PARD3: variants seen among roughly 807,000 people sequenced by gnomAD.
PARD3 encodes the protein partitioning defective 3 homolog.
A neutral mutation model predicts 155.4 loss-of-function variants in PARD3; 75 were observed. The ratio of observed to expected loss-of-function variants is 0.48; its 90% CI spans 0.40 to 0.58. The LOEUF (loss-of-function observed/expected upper bound fraction) is 0.58, where lower values mean the gene tolerates loss of function less well. Among genes scored for constraint, PARD3 ranks in the 20% least tolerant of loss-of-function variants. The pLI is 0.00. For missense variants in PARD3, 1,642 were observed against 1,721.7 expected (o/e 0.95, Z 0.82); for synonymous variants, 576 against 610.5 (o/e 0.94, Z 0.83).
chr10:34,759,951 G>C (rs1422800962), intron 1 of PARD3, among the ~76,000 whole-genome samples: 1 of 152,156 alleles, frequency 6.6e-6, no homozygotes, highest in Admixed American at 6.5e-5. Flanking sequence ...CTTCGTTTTG[G>C]GGAGTGGAAT....
Position 34,440,515 on chromosome 10 carries a change from C to T in PARD3, c.714+9802G>A, listed in dbSNP as rs182937270. Among the ~76,000 whole-genome samples the T allele has an allele frequency of 7.2e-4, 110 of 152,234 alleles. 1 individual carries two copies. Among genetic ancestry groups the T allele is most frequent in the South Asian group, 6.6e-3 (32 of 4,826 alleles). Reference sequence around the variant, plus strand: ...TTAAAAATGAAAATGTATCTTTCTCCGTAGTGCAAGCTCTAAATGTCTAGT... The same window carrying T: ...TTAAAAATGAAAATGTATCTTTCTCTGTAGTGCAAGCTCTAAATGTCTAGT... On this transcript the variant is annotated intron_variant, in intron 5 of 24. Transcript: ENST00000374788.
intron 22 of PARD3, among the ~76,000 whole-genome samples, chr10:34,209,486 A>G (rs1951637869): frequency 1.3e-5 from 2 of 152,198 alleles, no homozygotes; most frequent in African/African-American, 4.8e-5. Flanking sequence ...GATAAATGAT[A>G]TTAAAATTAA....
chr10:34,149,638 C>T (rs34452022), intron 22 of PARD3, among the ~76,000 whole-genome samples: 20 of 152,162 alleles, frequency 1.3e-4, no homozygotes, highest in Admixed American at 9.8e-4. Context: ...GATGATCTCA[C>T]GTTTATCAAA....
At chr10:34,622,726 A>G (rs1365856117) in intron 2 of PARD3, among the ~76,000 whole-genome samples, 1 of 152,086 alleles carries the variant, frequency 6.6e-6, no homozygotes. Context: ...AAAACAAGAT[A>G]ATTTTGTTAG....
At chr10:34,487,192 C>CTCACTCTCTT (rs1240132988) in intron 3 of PARD3, among the ~76,000 whole-genome samples, 9 of 152,030 alleles carry the variant, frequency 5.9e-5, no homozygotes, top group East Asian at 5.8e-4. Flanking sequence ...CCTCTTCTCA[C>CTCACTCTCTT]TCACTCTCTT....
chr10:34,586,908 C>T (rs890327727), intron 2 of PARD3, among the ~76,000 whole-genome samples: 1 of 151,918 alleles, frequency 6.6e-6, no homozygotes, highest in Admixed American at 6.6e-5. Flanking sequence ...GAGATGGTGC[C>T]ATTGCACTCC....
chr10:34,641,112 G>GT (rs1226668488), intron 2 of PARD3, among the ~76,000 whole-genome samples: 4 of 152,158 alleles, frequency 2.6e-5, no homozygotes, highest in Non-Finnish European at 5.9e-5. Context: ...GGGGAGTTAG[G>GT]TGGGGGAGGA....
At chr10:34,514,829 T>A (rs2081611173) in intron 3 of PARD3, among the ~76,000 whole-genome samples, 2 of 152,332 alleles carry the variant, frequency 1.3e-5, no homozygotes, top group Middle Eastern at 6.8e-3. Context: ...TGACGGAAAG[T>A]ATGTTAATCA....
Position 34,119,645 on chromosome 10 carries a change from C to T in PARD3, c.3636G>A (p.Gln1212=). Residue 1212 remains glutamine, a synonymous_variant, in exon 24 of 25, where the codon CAG becomes CAA. Transcript: ENST00000374788. ...RQRQEERESS[Q]QAQRQYSSLP... is the part of the protein sequence containing the mutation. ...GAGAGCTGTACTGGCGCTGGGCCTG[C>T]TGGGAGCTCTCGCGCTCCTCCTGCC... The T allele has an allele frequency of 6.2e-7, 1 of 1,611,038 alleles. No homozygotes were observed.
At chr10:34,482,032 CTTTTTTTT>C (rs58877037) in intron 3 of PARD3, among the ~76,000 whole-genome samples, 6 of 101,598 alleles carry the variant, frequency 5.9e-5, no homozygotes, top group South Asian at 6.5e-4. Context: ...TAATTTTTAT[CTTTTTTTT>C]TTTTTTTTTT....
At chr10:34,234,876 T>C (rs1483013356) in intron 22 of PARD3, among the ~76,000 whole-genome samples, 1 of 152,184 alleles carries the variant, frequency 6.6e-6, no homozygotes, top group East Asian at 1.9e-4. Context: ...AAAACAGAAA[T>C]AGCTCTCTTT....
At chr10:34,185,346 C>T (rs187727877) in intron 22 of PARD3, among the ~76,000 whole-genome samples, 1 of 152,282 alleles carries the variant, frequency 6.6e-6, no homozygotes, top group East Asian at 1.9e-4. Flanking sequence ...CTAAAGAATG[C>T]TGTCTTTCAT....
intron 22 of PARD3, among the ~76,000 whole-genome samples, chr10:34,199,871 G>C (rs1421618880): frequency 6.6e-6 from 1 of 151,984 alleles, no homozygotes; most frequent in South Asian, 2.1e-4. Flanking sequence ...AAGACTATTC[G>C]AATGTGTTAC....
intron 22 of PARD3, among the ~76,000 whole-genome samples, chr10:34,171,346 C>G (rs1326234115): frequency 6.6e-6 from 1 of 152,144 alleles, no homozygotes; most frequent in Non-Finnish European, 1.5e-5. Flanking sequence ...GCATCATGTT[C>G]AGCAATTTTT....
intron 3 of PARD3, among the ~76,000 whole-genome samples, chr10:34,474,839 C>G (rs998322348): frequency 2.6e-5 from 4 of 152,110 alleles, no homozygotes; most frequent in Admixed American, 1.3e-4. Context: ...GAATTATGCA[C>G]TGAGAAATCA....
chr10:34,139,590 C>G (rs1386806455), intron 22 of PARD3, among the ~76,000 whole-genome samples: 1 of 152,202 alleles, frequency 6.6e-6, no homozygotes, highest in Non-Finnish European at 1.5e-5. Flanking sequence ...AAGCAGACAC[C>G]AGGACTGGAG....
intron 14 of PARD3, among the ~76,000 whole-genome samples, chr10:34,356,546 T>C (rs992226782): frequency 6.6e-6 from 1 of 152,238 alleles, no homozygotes. Flanking sequence ...TACAGTTTTC[T>C]GATTGGCAAA....
chr10:34,665,483 G>A (rs1215859306), intron 2 of PARD3, among the ~76,000 whole-genome samples: 1 of 152,082 alleles, frequency 6.6e-6, no homozygotes, highest in Non-Finnish European at 1.5e-5. Context: ...TTGTGCCGTT[G>A]CACTCCAGCC....
chr10:34,748,692 C>T (rs1472996339), intron 1 of PARD3, among the ~76,000 whole-genome samples: 3 of 152,078 alleles, frequency 2.0e-5, no homozygotes, highest in Non-Finnish European at 4.4e-5. Flanking sequence ...TGGCTCACCT[C>T]CTCCGTAACA....
Sources: allele counts gnomAD v4.1 joint callset (sites outside exome capture counted in the v4.1 genomes callset), GRCh38; gene constraint gnomAD v4.1.1; transcripts MANE v1.5; gene names NCBI Gene and HGNC (gene_info 2026-07-23, HGNC 2026-07-21).